CNTN4: variants seen among roughly 807,000 people sequenced by gnomAD.
The protein encoded by CNTN4 is contactin-4.
Under a neutral mutation model 122.5 loss-of-function variants are expected in CNTN4, and 77 were observed. That is an observed-to-expected ratio of 0.63 (90% CI 0.52 to 0.76). The LOEUF (loss-of-function observed/expected upper bound fraction) is 0.76. Among genes scored for constraint, CNTN4 ranks in the 30% least tolerant of loss-of-function variants. The pLI is 0.00. For missense variants in CNTN4, 1,256 were observed against 1,259.1 expected, an observed-to-expected ratio of 1.00 and a Z score of 0.04; for synonymous variants, 512 against 447.0, an observed-to-expected ratio of 1.15 and a Z score of -1.83.
chr3:3,039,254 C>CAA, intron 19 of CNTN4: 1 of 403,694 alleles, frequency 2.5e-6, no homozygotes, highest in Non-Finnish European at 4.5e-6. Context: ...ACACACGTTA[C>CAA]AAAAAAAAAT....
intron 4 of CNTN4, among the ~76,000 whole-genome samples, chr3:2,731,278 A>T (rs1292994084): frequency 6.6e-6 from 1 of 152,002 alleles, no homozygotes; most frequent in Non-Finnish European, 1.5e-5. Context: ...ATGAAAGCAG[A>T]TTTTTTCAGC....
intron 2 of CNTN4, among the ~76,000 whole-genome samples, chr3:2,277,210 ACAT>A (rs1276688759): frequency 6.6e-6 from 1 of 152,142 alleles, no homozygotes; most frequent in Non-Finnish European, 1.5e-5. Flanking sequence ...AGTCTGATAA[ACAT>A]CATTTAAATA....
chr3:2,927,758 A>G (rs1168619512), intron 13 of CNTN4: 2 of 152,690 alleles, frequency 1.3e-5, no homozygotes, highest in Non-Finnish European at 2.9e-5. Context: ...ATAAGGTCCA[A>G]ATATGCTTCA....
intron 2 of CNTN4, among the ~76,000 whole-genome samples, chr3:2,300,752 G>A (rs1044444998): frequency 4.0e-5 from 6 of 151,512 alleles, no homozygotes; most frequent in South Asian, 4.2e-4. Context: ...TTGTATTTTC[G>A]TAGAGATGGG....
intron 3 of CNTN4, among the ~76,000 whole-genome samples, chr3:2,409,606 G>T (rs1323790310): frequency 6.6e-6 from 1 of 151,984 alleles, no homozygotes; most frequent in African/African-American, 2.4e-5. Flanking sequence ...TAATCTCAAA[G>T]ATATAAGCAG....
chr3:2,136,795 C>T (rs1051237237), intron 2 of CNTN4, among the ~76,000 whole-genome samples: 6 of 151,882 alleles, frequency 4.0e-5, no homozygotes, highest in South Asian at 2.1e-4. Flanking sequence ...GAATTGATTC[C>T]GTTTACTTTT....
chr3:2,408,280 A>G (rs1391345248), intron 3 of CNTN4, among the ~76,000 whole-genome samples: 1 of 152,160 alleles, frequency 6.6e-6, no homozygotes, highest in Non-Finnish European at 1.5e-5. Flanking sequence ...TTCCTTTTTA[A>G]TGAGGTCTCC....
chr3:2,728,569 A>C (rs912370924), intron 4 of CNTN4, among the ~76,000 whole-genome samples: 1 of 152,216 alleles, frequency 6.6e-6, no homozygotes, highest in African/African-American at 2.4e-5. Context: ...CTGATAAAGC[A>C]ACACGTTCCC....
chr3:2,329,796 G>T (rs1253428146), intron 2 of CNTN4, among the ~76,000 whole-genome samples: 1 of 151,942 alleles, frequency 6.6e-6, no homozygotes, highest in Non-Finnish European at 1.5e-5. Context: ...CACTTAATAA[G>T]CATTAATTTA....
chr3:2,457,028 T>G (rs2049030934), intron 3 of CNTN4, among the ~76,000 whole-genome samples: 1 of 152,112 alleles, frequency 6.6e-6, no homozygotes, highest in Non-Finnish European at 1.5e-5. Context: ...GAGGTTAAAG[T>G]ACCTCATATT....
intron 2 of CNTN4, among the ~76,000 whole-genome samples, chr3:2,244,264 C>G (rs1468824259): frequency 1.3e-5 from 2 of 152,014 alleles, no homozygotes; most frequent in Non-Finnish European, 1.5e-5. Context: ...TCTCTGTCAT[C>G]TCAAAATATC....
chr3:2,705,360 T>A (rs1576508895), intron 4 of CNTN4, among the ~76,000 whole-genome samples: 1 of 121,868 alleles, frequency 8.2e-6, no homozygotes, highest in Non-Finnish European at 1.6e-5. Flanking sequence ...ATAGCCAGAC[T>A]CCGTCTCAAA....
At chr3:2,103,736 C>G in intron 2 of CNTN4, among the ~76,000 whole-genome samples, 1 of 151,946 alleles carries the variant, frequency 6.6e-6, no homozygotes, top group East Asian at 1.9e-4. Context: ...ATTTATTTAT[C>G]TTTATTTTCT....
intron 3 of CNTN4, among the ~76,000 whole-genome samples, chr3:2,421,246 G>T (rs1308531527): frequency 9.8e-6 from 1 of 102,532 alleles, no homozygotes; most frequent in South Asian, 4.0e-4. Flanking sequence ...CCCTTCAGGG[G>T]GTTTCTTTTT....
intron 4 of CNTN4, among the ~76,000 whole-genome samples, chr3:2,624,257 T>C (rs547304784): frequency 1.3e-5 from 2 of 152,162 alleles, no homozygotes; most frequent in Non-Finnish European, 2.9e-5. Context: ...ACCAGTACAC[T>C]AAAAGGGTCC....
At chr3:2,608,918 G>T (rs2081368287) in intron 4 of CNTN4, among the ~76,000 whole-genome samples, 1 of 152,272 alleles carries the variant, frequency 6.6e-6, no homozygotes, top group South Asian at 2.1e-4. Context: ...CTCTAGTCAG[G>T]GGCATGCCTG....
chr3:2,392,380 A>C (rs1410673854), intron 3 of CNTN4, among the ~76,000 whole-genome samples: 3 of 152,134 alleles, frequency 2.0e-5, no homozygotes, highest in Non-Finnish European at 4.4e-5. Flanking sequence ...CATATCCATC[A>C]AATTCTGGTC....
At chr3:2,887,352 T>C in intron 10 of CNTN4, 128 bp downstream of exon 10, 1 of 893,630 alleles carries the variant, frequency 1.1e-6, no homozygotes, top group South Asian at 1.5e-5. Context: ...AAACTCATGG[T>C]TTGCTCCATA....
chr3:2,128,004 C>T (rs1272425915), intron 2 of CNTN4, among the ~76,000 whole-genome samples: 1 of 152,172 alleles, frequency 6.6e-6, no homozygotes, highest in African/African-American at 2.4e-5. Flanking sequence ...ATGTTTATTT[C>T]CACACCCTAA....
Sources: gnomAD v4.1 joint callset for allele counts (sites outside exome capture counted in the v4.1 genomes callset) on GRCh38, gnomAD v4.1.1 for gene constraint, MANE v1.5 for transcripts, NCBI Gene and HGNC (gene_info 2026-07-23, HGNC 2026-07-21) for gene names.